Variants in PHEX observed in about 807,000 individuals in gnomAD.
PHEX encodes the protein phosphate-regulating neutral endopeptidase PHEX.
A neutral mutation model predicts 68.0 loss-of-function variants in PHEX; 16 were observed. The ratio of observed to expected loss-of-function variants is 0.24; its 90% CI spans 0.16 to 0.36. The LOEUF is 0.36. PHEX is among the 10% of genes least tolerant of loss of function. The probability of loss-of-function intolerance (pLI) is 1.00; values close to 1 mark genes in which losing one functional copy is unlikely to be tolerated. For missense variants in PHEX, 480 were observed against 575.5 expected, an observed-to-expected ratio of 0.83 and a Z score of 1.70; for synonymous variants, 208 against 205.1, an observed-to-expected ratio of 1.01 and a Z score of -0.12.
At chrX:22,222,374 A>G (rs916512814) in intron 18 of PHEX, among the ~76,000 whole-genome samples, 5 of 112,003 alleles carry the variant, frequency 4.5e-5, no homozygotes, top group African/African-American at 1.6e-4. Flanking sequence ...CTAGAGTCAG[A>G]CATGGGTCCA....
intron 3 of PHEX, among the ~76,000 whole-genome samples, chrX:22,056,508 A>C (rs938626653): frequency 9.0e-6 from 1 of 110,718 alleles, no homozygotes; most frequent in African/African-American, 3.3e-5. Context: ...AAAGATTAAT[A>C]AGGTCCCCTA....
chrX:22,172,076 G>A (rs980116004), intron 13 of PHEX: 1 of 112,085 alleles, frequency 8.9e-6, no homozygotes, highest in Non-Finnish European at 1.9e-5. Context: ...AGGATGACAA[G>A]GTAAACTGAG....
intron 8 of PHEX, among the ~76,000 whole-genome samples, chrX:22,098,748 A>G (rs896794779): frequency 8.4e-5 from 8 of 95,192 alleles, no homozygotes; most frequent in African/African-American, 2.9e-4. Flanking sequence ...CAGTGAGCCA[A>G]GATCATGCCA....
At position 22,209,954 on chromosome X, in the gene PHEX, AAT is replaced by A. The variant is rs1403024065; in HGVS notation, c.1646-2948_1646-2947del. On this transcript the variant is annotated intron_variant, in intron 15 of 21. Coordinates refer to ENST00000379374, the MANE Select transcript of PHEX (RefSeq NM_000444.6). ...TGTTGAAATGGTAAAAAAAAAAAAA[AAT>A]AAATAAATAAAAATAAAAAGGAAAT... Among the ~76,000 whole-genome samples, 671 of 109,842 alleles carry A rather than the reference AAT, an allele frequency of 6.1e-3. 4 individuals carry two copies. Among genetic ancestry groups the A allele is most frequent in the African/African-American group, 0.019 (584 of 30,032 alleles).
chrX:22,245,804 C>T (rs1936374832), intron 21 of PHEX, among the ~76,000 whole-genome samples: 1 of 112,095 alleles, frequency 8.9e-6, no homozygotes, highest in African/African-American at 3.2e-5. Context: ...ACTTACTCAA[C>T]TGCTTACTTT....
intron 9 of PHEX, among the ~76,000 whole-genome samples, chrX:22,101,361 T>C (rs1930416297): frequency 8.9e-6 from 1 of 111,978 alleles, no homozygotes; most frequent in Non-Finnish European, 1.9e-5. Flanking sequence ...TTTTCATTGA[T>C]GATCGTGTTT....
At chrX:22,128,791 T>C (rs1429974714) in intron 11 of PHEX, among the ~76,000 whole-genome samples, 1 of 109,890 alleles carries the variant, frequency 9.1e-6, no homozygotes, top group Non-Finnish European at 1.9e-5. Context: ...TTTATTGTCC[T>C]CTTTGTCCCT....
intron 3 of PHEX, among the ~76,000 whole-genome samples, chrX:22,071,659 A>G (rs1239400565): frequency 8.9e-6 from 1 of 112,679 alleles, no homozygotes; most frequent in African/African-American, 3.2e-5. Flanking sequence ...ATGACCAAAA[A>G]TATCTTTATT....
chrX:22,068,822 G>A (rs1928744250), intron 3 of PHEX, among the ~76,000 whole-genome samples: 1 of 111,672 alleles, frequency 9.0e-6, no homozygotes, highest in Non-Finnish European at 1.9e-5. Context: ...TCCTTGTAAC[G>A]TTAAGATGGA....
At chrX:22,212,571 A>G (rs1259679814) in intron 15 of PHEX, among the ~76,000 whole-genome samples, 1 of 112,097 alleles carries the variant, frequency 8.9e-6, no homozygotes, top group Non-Finnish European at 1.9e-5. Flanking sequence ...TTGCACACCC[A>G]CGAAGCCGGC....
chrX:22,040,799 C>A (rs903459146), intron 2 of PHEX, among the ~76,000 whole-genome samples: 2 of 108,839 alleles, frequency 1.8e-5, no homozygotes, highest in Non-Finnish European at 3.8e-5. Flanking sequence ...CTTAAGTGTG[C>A]TCGAAAGCCT....
chrX:22,243,929 T>C (rs980667455), intron 20 of PHEX, among the ~76,000 whole-genome samples: 1 of 112,169 alleles, frequency 8.9e-6, no homozygotes, highest in South Asian at 3.7e-4. Flanking sequence ...ATCCCATTAC[T>C]GGGTATATAC....
In PHEX at chrX:22,131,263, A is replaced by T. The variant is rs866529732; in HGVS notation, c.1303-2260A>T. Among the ~76,000 whole-genome samples the T allele has an allele frequency of 4.4e-4, 48 of 110,298 alleles. No individual in the cohort carries two copies. In the Middle Eastern group the frequency reaches 0.014, roughly 32 times the overall value. On this transcript the variant is annotated intron_variant, in intron 11 of 21. Coordinates refer to ENST00000379374, the MANE Select transcript of PHEX (RefSeq NM_000444.6). ...ACCATGTTGGCCAGGCTGGTCTCGA[A>T]CTCCTGACCTCAAGTAATCTGCCCG...
At chrX:22,122,129 A>G (rs1327619390) in intron 11 of PHEX, among the ~76,000 whole-genome samples, 1 of 112,044 alleles carries the variant, frequency 8.9e-6, no homozygotes, top group Non-Finnish European at 1.9e-5. Context: ...AAGTCACATG[A>G]AACTCAGTGT....
At chrX:22,127,990 T>C (rs2147079869) in intron 11 of PHEX, among the ~76,000 whole-genome samples, 1 of 111,646 alleles carries the variant, frequency 9.0e-6, no homozygotes, top group East Asian at 2.8e-4. Flanking sequence ...GCTGAAATGT[T>C]TTTGCCTCTT....
At chrX:22,034,778 C>T (rs1208245541) in intron 1 of PHEX, among the ~76,000 whole-genome samples, 7 of 112,511 alleles carry the variant, frequency 6.2e-5, no homozygotes, top group Admixed American at 1.9e-4. Context: ...CCCGCTGATT[C>T]ACAATCTGCA....
At chrX:22,188,492 C>A (rs1259459606) in intron 14 of PHEX, among the ~76,000 whole-genome samples, 6 of 112,832 alleles carry the variant, frequency 5.3e-5, no homozygotes, top group African/African-American at 1.6e-4. Context: ...CCAAATCTCA[C>A]CTGCTGCCTG....
At chrX:22,165,580 C>T (rs1046776448) in intron 12 of PHEX, among the ~76,000 whole-genome samples, 10 of 111,005 alleles carry the variant, frequency 9.0e-5, no homozygotes, top group African/African-American at 3.0e-4. Flanking sequence ...TGATTGCAGG[C>T]AAGGAGCTCT....
chrX:22,103,336 G>C (rs1930513005), intron 9 of PHEX, among the ~76,000 whole-genome samples: 1 of 110,457 alleles, frequency 9.1e-6, no homozygotes, highest in Admixed American at 9.7e-5. Context: ...AATTTTGGGG[G>C]AACAGGTGGT....
Sources: gnomAD v4.1 joint callset for allele counts (sites outside exome capture counted in the v4.1 genomes callset) on GRCh38, gnomAD v4.1.1 for gene constraint, MANE v1.5 for transcripts, NCBI Gene and HGNC (gene_info 2026-07-23, HGNC 2026-07-21) for gene names.